INPP4A: variants seen among roughly 807,000 people sequenced by gnomAD.
INPP4A encodes inositol polyphosphate-4-phosphatase, type I, 107kD.
In INPP4A, 33 loss-of-function variants were observed where a neutral mutation model predicts 119.8. The observed-to-expected ratio is 0.28, with a 90% CI of 0.21 to 0.37. INPP4A has a LOEUF of 0.37. Ranked by LOEUF, INPP4A falls within the 10% of genes least tolerant of loss-of-function variation. INPP4A has a pLI of 1.00. For synonymous variants in INPP4A, 496 were observed against 500.7 expected, an observed-to-expected ratio of 0.99 and a Z score of 0.12; for missense variants, 956 against 1,289.9, an observed-to-expected ratio of 0.74 and a Z score of 3.97.
At chr2:98,531,190 C>T (rs180994929) in intron 4 of INPP4A, among the ~76,000 whole-genome samples, 42 of 152,198 alleles carry the variant, frequency 2.8e-4, no homozygotes, top group Non-Finnish European at 5.6e-4. Context: ...AGAGGACAGA[C>T]CTACTTAAAG....
Position 98,592,352 on chromosome 2 carries a change from T to C in INPP4A, c.*4744T>C, listed in dbSNP as rs1268744616. ...ACAGAACCAAGGGGGTCAAGGAAGA[T>C]TGGAGAGGAGTGGGCAGCAGGAAAC... On this transcript the variant is annotated 3_prime_UTR_variant, in exon 25 of 25. Coordinates refer to ENST00000409851, the MANE Select transcript of INPP4A (RefSeq NM_001134225.2). The C allele has an allele frequency of 6.6e-6, 1 of 152,112 alleles. No homozygotes were observed. Among genetic ancestry groups the C allele is most frequent in the Non-Finnish European group, 1.5e-5 (1 of 68,140 alleles). 9.4% of individuals were successfully genotyped at this position (152,112 alleles called of 1,614,324 possible). A position where few individuals can be genotyped will look rare whatever the true frequency, so the allele number is the denominator to read the frequency against.
intron 4 of INPP4A, among the ~76,000 whole-genome samples, chr2:98,528,471 A>AG (rs1688582099): frequency 6.6e-6 from 1 of 152,286 alleles, no homozygotes; most frequent in Admixed American, 6.5e-5. Flanking sequence ...TAAATTGAGA[A>AG]GGGGGGAGAT....
chr2:98,568,646 T>G lies in INPP4A; in HGVS notation c.2496T>G (p.Phe832Leu). 6.3e-7 allele frequency: 1 copy of G among 1,595,604 alleles called. No individual in the cohort carries two copies. Among genetic ancestry groups the G allele is most frequent in the Non-Finnish European group, 8.6e-7 (1 of 1,167,450 alleles). ...GGTTAAATTCCTACTTTGAGCAGTT[T>G]AAGGAAGTTTTGCCTGAGGATTGTA... ...LVRLNSYFEQFKEVLPEDCLP... is the reference protein window; with the variant it reads ...LVRLNSYFEQLKEVLPEDCLP... The change falls in exon 22 of 25, where the codon TTT (phenylalanine) becomes TTG (leucine). Residue 832 changes from phenylalanine to leucine, a missense_variant. By Grantham distance (22) the Phe-to-Leu change is conservative. Transcript: ENST00000409851.
At chr2:98,488,931 T>C (rs1382428999) in intron 1 of INPP4A, among the ~76,000 whole-genome samples, 1 of 142,506 alleles carries the variant, frequency 7.0e-6, no homozygotes. Flanking sequence ...TTTGAGTACA[T>C]GCACTGTGTG....
intron 1 of INPP4A, among the ~76,000 whole-genome samples, chr2:98,464,513 A>G (rs1053157314): frequency 1.3e-5 from 2 of 152,204 alleles, no homozygotes; most frequent in African/African-American, 2.4e-5. Context: ...TGGAAGGTCA[A>G]GTGCTAGCCA....
intron 1 of INPP4A, among the ~76,000 whole-genome samples, chr2:98,499,855 C>T (rs1287825660): frequency 2.6e-5 from 4 of 152,144 alleles, no homozygotes; most frequent in African/African-American, 7.2e-5. Flanking sequence ...GCTAGATTGA[C>T]GGCCTTCAGT....
intron 1 of INPP4A, among the ~76,000 whole-genome samples, chr2:98,510,534 G>C (rs1684921187): frequency 6.6e-6 from 1 of 152,230 alleles, no homozygotes; most frequent in Admixed American, 6.5e-5. Flanking sequence ...TTTAGGGTCT[G>C]CTGAGGGCCT....
At chr2:98,584,211 G>A (rs868712799) in intron 24 of INPP4A, among the ~76,000 whole-genome samples, 5 of 152,218 alleles carry the variant, frequency 3.3e-5, no homozygotes, top group East Asian at 1.9e-4. Context: ...ACATTGAGGC[G>A]TGCACTTCAA....
chr2:98,495,606 C>T (rs4850876), intron 1 of INPP4A, among the ~76,000 whole-genome samples: 36,971 of 152,044 alleles, frequency 0.24, 4,643 homozygotes, highest in Middle Eastern at 0.35. Context: ...TAGTTTGGTC[C>T]GGGACAACTT....
intron 1 of INPP4A, among the ~76,000 whole-genome samples, chr2:98,463,397 G>A (rs1239512968): frequency 6.6e-6 from 1 of 152,240 alleles, no homozygotes; most frequent in Non-Finnish European, 1.5e-5. Flanking sequence ...TTCTGGCCAT[G>A]CCCTCCCAGC....
At chr2:98,573,919 C>T (rs1246969934) in intron 23 of INPP4A, among the ~76,000 whole-genome samples, 3 of 152,274 alleles carry the variant, frequency 2.0e-5, no homozygotes, top group South Asian at 2.1e-4. Context: ...GTGAACATTC[C>T]CCTCCATCTT....
Position 98,535,841 on chromosome 2 carries a change from G to T in INPP4A, c.383G>T (p.Gly128Val). 7.0e-7 allele frequency: 1 copy of T among 1,436,676 alleles called. No individual in the cohort carries two copies. Among genetic ancestry groups the T allele is most frequent in the Non-Finnish European group, 9.7e-7 (1 of 1,028,198 alleles). 89.0% of individuals were successfully genotyped at this position (1,436,676 alleles called of 1,614,324 possible). The change falls in exon 6 of 25, where the codon GGA becomes GTA. Residue 128 changes from glycine (G) to valine (V), a missense_variant. This residue lies in a region of INPP4A where 652 missense variants were observed against 797.9 expected (regional missense o/e 0.82). Coordinates refer to ENST00000409851, the MANE Select transcript of INPP4A (RefSeq NM_001134225.2). ...SVYDVKDRSQ[G>V]TMYLLGSGTF... ...TATGATGTCAAAGATAGATCTCAGG[G>T]AACAGTTAAGTAATGTGTTGTAGTT...
chr2:98,457,928 T>C (rs903114883), intron 1 of INPP4A, among the ~76,000 whole-genome samples: 2 of 152,020 alleles, frequency 1.3e-5, no homozygotes, highest in African/African-American at 4.8e-5. Context: ...AGCCTCCCAA[T>C]TAGCAAGGAC....
At chr2:98,563,771 A>G in intron 18 of INPP4A, 134 bp downstream of exon 18, 1 of 862,700 alleles carries the variant, frequency 1.2e-6, no homozygotes, top group Non-Finnish European at 1.8e-6. Context: ...GTGGTGCTTT[A>G]AAGGTTATTT....
At chr2:98,574,119 T>G (rs1697993429) in intron 23 of INPP4A, among the ~76,000 whole-genome samples, 1 of 152,144 alleles carries the variant, frequency 6.6e-6, no homozygotes, top group Non-Finnish European at 1.5e-5. Flanking sequence ...CTCTTGGTTT[T>G]GGGGCCTCAT....
At chr2:98,536,494 C>T (rs1004965140) in intron 7 of INPP4A, among the ~76,000 whole-genome samples, 2 of 152,148 alleles carry the variant, frequency 1.3e-5, no homozygotes, top group African/African-American at 4.8e-5. Context: ...TTATTTAGCC[C>T]CTCCCCAGTG....
rs17033549 is a variant in INPP4A at position 98,561,924 on chromosome 2, C to T, written c.1856-1541C>T. On this transcript the variant is annotated intron_variant, in intron 17 of 24. Transcript: ENST00000409851. Reference sequence around the variant, plus strand: ...TAATTGGCATACATTCAACAGAATTCTTCAAAGAAACAAAAACATGGTCTC... The same window carrying T: ...TAATTGGCATACATTCAACAGAATTTTTCAAAGAAACAAAAACATGGTCTC... 6.5e-3 allele frequency among the ~76,000 whole-genome samples: 994 copies of T among 152,258 alleles called. 18 individuals are homozygous for T. The highest frequency in any genetic ancestry group is 0.022 in the African/African-American group (932 of 41,552).
Position 98,537,892 on chromosome 2 carries a change from T to G in INPP4A, c.497T>G (p.Ile166Ser), listed in dbSNP as rs1690633304. Reference sequence around the variant, plus strand: ...GCAGAGAGTGACCGTGTAGGTAACATCACCGTGATTGGCTGGCAGATGGAG... The same window carrying G: ...GCAGAGAGTGACCGTGTAGGTAACAGCACCGTGATTGGCTGGCAGATGGAG... ...RSAESDRVGN[I>S]TVIGWQMEEK... Residue 166 changes from isoleucine (I) to serine (S), a missense_variant, in exon 8 of 25, where the codon ATC (isoleucine) becomes AGC (serine). Transcript: ENST00000409851. 1 of 1,612,828 alleles carries G rather than the reference T, an allele frequency of 6.2e-7. No homozygotes were observed. Among genetic ancestry groups the G allele is most frequent in the Non-Finnish European group, 8.5e-7 (1 of 1,179,470 alleles).
Position 98,587,620 on chromosome 2 carries a change from C to T in INPP4A, c.*12C>T. Reference sequence around the variant, plus strand: ...AAGTTGAAACGTGAACACACGGTTTCCTCTAATTAGCTGTTACATAATAAA... The same window carrying T: ...AAGTTGAAACGTGAACACACGGTTTTCTCTAATTAGCTGTTACATAATAAA... On this transcript the variant is annotated 3_prime_UTR_variant, in exon 25 of 25. Coordinates refer to ENST00000409851, the MANE Select transcript of INPP4A (RefSeq NM_001134225.2). 6.3e-7 allele frequency: 1 copy of T among 1,591,002 alleles called. No individual in the cohort carries two copies. Among genetic ancestry groups the T allele is most frequent in the Non-Finnish European group, 8.5e-7 (1 of 1,171,976 alleles).
Sources: gnomAD v4.1 joint callset for allele counts (sites outside exome capture counted in the v4.1 genomes callset) on GRCh38, gnomAD v4.1.1 for gene constraint, gnomAD v4.1.1 regional missense constraint, MANE v1.5 for transcripts, NCBI Gene and HGNC (gene_info 2026-07-23, HGNC 2026-07-21) for gene names.